RORA: variants seen among roughly 807,000 people sequenced by gnomAD.
The protein encoded by RORA is RAR related orphan receptor A, also known as nuclear receptor ROR-alpha.
RORA carries 7 observed loss-of-function variants against 69.5 expected under a neutral mutation model. That is an observed-to-expected ratio of 0.10 (90% confidence interval 0.06 to 0.19). The LOEUF is 0.19. Ranked by LOEUF, RORA falls within the 10% of genes least tolerant of loss-of-function variation. RORA has a pLI of 1.00. For missense variants in RORA, 457 were observed against 663.0 expected, an observed-to-expected ratio of 0.69 and a Z score of 3.41; for synonymous variants, 261 against 240.8, an observed-to-expected ratio of 1.08 and a Z score of -0.78.
At chr15:61,156,254 T>C (rs2079441398) in intron 1 of RORA, among the ~76,000 whole-genome samples, 1 of 152,196 alleles carries the variant, frequency 6.6e-6, no homozygotes, top group Non-Finnish European at 1.5e-5. Context: ...TTAAAATCTG[T>C]TCCTGTTGCC....
chr15:60,882,596 G>A (rs1226497976), intron 1 of RORA, among the ~76,000 whole-genome samples: 1 of 151,334 alleles, frequency 6.6e-6, no homozygotes, highest in African/African-American at 2.4e-5. Context: ...TCTACAGCAT[G>A]TTTATTCTAA....
intron 1 of RORA, among the ~76,000 whole-genome samples, chr15:61,035,409 A>G (rs1896406032): frequency 6.6e-6 from 1 of 152,238 alleles, no homozygotes; most frequent in Admixed American, 6.5e-5. Flanking sequence ...TAACGACAAT[A>G]AAGAACTAAG....
At chr15:60,813,411 T>C (rs1653545631) in intron 1 of RORA, among the ~76,000 whole-genome samples, 1 of 151,852 alleles carries the variant, frequency 6.6e-6, no homozygotes, top group Admixed American at 6.6e-5. Flanking sequence ...TCCCACGAAG[T>C]GTATGGGTGG....
intron 2 of RORA, among the ~76,000 whole-genome samples, chr15:60,561,082 G>GTTTTTTTT (rs571970599): frequency 4.9e-5 from 6 of 122,048 alleles, no homozygotes; most frequent in African/African-American, 1.5e-4. Flanking sequence ...TTTTGTTTTT[G>GTTTTTTTT]TTTTTTTTTT....
chr15:60,556,803 C>G, intron 2 of RORA: 1 of 1,384,810 alleles, frequency 7.2e-7, no homozygotes, highest in Non-Finnish European at 1.0e-6. Context: ...TTCCTAAAAG[C>G]CTTCGTAAAT....
chr15:60,731,979 A>C (rs917166438), intron 1 of RORA, among the ~76,000 whole-genome samples: 1 of 152,192 alleles, frequency 6.6e-6, no homozygotes, highest in Admixed American at 6.5e-5. Context: ...CCAGGCTAGA[A>C]GTTCCGAATA....
chr15:60,846,231 T>C (rs2073263341), intron 1 of RORA, among the ~76,000 whole-genome samples: 2 of 152,250 alleles, frequency 1.3e-5, no homozygotes, highest in Non-Finnish European at 2.9e-5. Context: ...GGCTCAGGTC[T>C]ACTCGCTTCC....
At chr15:60,640,739 A>G (rs1470025073) in intron 2 of RORA, among the ~76,000 whole-genome samples, 1 of 151,954 alleles carries the variant, frequency 6.6e-6, no homozygotes, top group Non-Finnish European at 1.5e-5. Context: ...TGCTTCTTCT[A>G]GATTCTCCTG....
intron 1 of RORA, among the ~76,000 whole-genome samples, chr15:60,800,275 A>G (rs1427850748): frequency 6.6e-6 from 1 of 152,236 alleles, no homozygotes; most frequent in Non-Finnish European, 1.5e-5. Flanking sequence ...ACGCTGTTCC[A>G]CTTAATTCAA....
chr15:60,662,530 C>T (rs1178351068), intron 2 of RORA, among the ~76,000 whole-genome samples: 1 of 152,154 alleles, frequency 6.6e-6, no homozygotes, highest in Non-Finnish European at 1.5e-5. Flanking sequence ...TGTTAACGCT[C>T]TGGAATGTCC....
chr15:60,853,545 A>T (rs2073347774), intron 1 of RORA, among the ~76,000 whole-genome samples: 3 of 152,230 alleles, frequency 2.0e-5, no homozygotes, highest in Non-Finnish European at 4.4e-5. Context: ...ACAAGAAGAC[A>T]TCAAAAAGGA....
At chr15:60,821,200 G>A (rs949015709) in intron 1 of RORA, among the ~76,000 whole-genome samples, 4 of 152,098 alleles carry the variant, frequency 2.6e-5, no homozygotes, top group Non-Finnish European at 4.4e-5. Flanking sequence ...GTGCCTCCAG[G>A]TTCACTGATC....
chr15:60,820,600 C>G (rs2072881260), intron 1 of RORA, among the ~76,000 whole-genome samples: 1 of 151,002 alleles, frequency 6.6e-6, no homozygotes, highest in Non-Finnish European at 1.5e-5. Context: ...ATGCTACCCT[C>G]TTGGCCTATA....
At chr15:61,077,907 A>G (rs1362005322) in intron 1 of RORA, among the ~76,000 whole-genome samples, 1 of 152,094 alleles carries the variant, frequency 6.6e-6, no homozygotes, top group Non-Finnish European at 1.5e-5. Flanking sequence ...ACCAGCAGAG[A>G]GTAGGGTGAA....
intron 1 of RORA, among the ~76,000 whole-genome samples, chr15:61,194,789 C>T (rs111958018): frequency 6.6e-6 from 1 of 152,116 alleles, no homozygotes; most frequent in Non-Finnish European, 1.5e-5. Flanking sequence ...TAGAGCCACA[C>T]GGCCTGGGTT....
intron 1 of RORA, among the ~76,000 whole-genome samples, chr15:60,960,045 G>A (rs1893371735): frequency 6.6e-6 from 1 of 152,028 alleles, no homozygotes; most frequent in Non-Finnish European, 1.5e-5. Context: ...ATGAAAACAG[G>A]ATTTTTTTTG....
intron 1 of RORA, among the ~76,000 whole-genome samples, chr15:61,059,919 A>C (rs2078149436): frequency 1.5e-5 from 2 of 137,270 alleles, no homozygotes; most frequent in East Asian, 4.1e-4. Flanking sequence ...AAGAAGAAGA[A>C]GAAGAAGAAG....
intron 1 of RORA, among the ~76,000 whole-genome samples, chr15:60,933,467 CA>C (rs1186455809): frequency 1.3e-5 from 2 of 152,198 alleles, no homozygotes; most frequent in East Asian, 3.8e-4. Context: ...CCTCCTCCTC[CA>C]AGCAGCTTCC....
intron 1 of RORA, among the ~76,000 whole-genome samples, chr15:60,867,888 G>A (rs1290849485): frequency 6.6e-6 from 1 of 152,020 alleles, no homozygotes; most frequent in Non-Finnish European, 1.5e-5. Flanking sequence ...ATAAATTGAT[G>A]CACTCTTTCT....
Sources: allele counts gnomAD v4.1 joint callset (sites outside exome capture counted in the v4.1 genomes callset), GRCh38; gene constraint gnomAD v4.1.1; transcripts MANE v1.5; gene names NCBI Gene and HGNC (gene_info 2026-07-23, HGNC 2026-07-21).